NEIL3: variants seen among roughly 807,000 people sequenced by gnomAD.
NEIL3 encodes the protein endonuclease 8-like 3.
A neutral mutation model predicts 57.5 loss-of-function variants in NEIL3; 48 were observed. The ratio of observed to expected loss-of-function variants is 0.83; its 90% CI spans 0.66 to 1.06. The LOEUF is 1.06. Among genes scored for constraint, NEIL3 ranks in the 50% least tolerant of loss-of-function variants. The probability of loss-of-function intolerance (pLI) is 0.00; values close to 1 mark genes in which losing one functional copy is unlikely to be tolerated. For synonymous variants in NEIL3, 261 were observed against 253.2 expected (o/e 1.03, Z -0.29); for missense variants, 717 against 739.1 (o/e 0.97, Z 0.35).
At position 177,315,763 on chromosome 4, in the gene NEIL3, A is replaced by T. The variant is rs541409885; in HGVS notation, c.156+5654A>T. Among the ~76,000 whole-genome samples, 4 of 152,354 alleles carry T rather than the reference A, an allele frequency of 2.6e-5. No homozygotes were observed. In the South Asian group the frequency reaches 8.3e-4, roughly 32 times the overall value. Reference sequence around the variant, plus strand: ...TGGATTTTTAAAAGAACAGTGAAAGATATATCCAGGTGCTTGCAATGGCCA... The same window carrying T: ...TGGATTTTTAAAAGAACAGTGAAAGTTATATCCAGGTGCTTGCAATGGCCA... On this transcript the variant is annotated intron_variant, in intron 1 of 9. Transcript: ENST00000264596.
intron 6 of NEIL3, among the ~76,000 whole-genome samples, chr4:177,350,568 G>A (rs1007940571): frequency 1.3e-5 from 2 of 152,118 alleles, no homozygotes; most frequent in African/African-American, 4.8e-5. Flanking sequence ...TCATCATTAT[G>A]AATTAATGAA....
intron 2 of NEIL3, 146 bp downstream of exon 2, chr4:177,322,726 T>C (rs1220982419): frequency 3.5e-6 from 3 of 867,314 alleles, no homozygotes; most frequent in Non-Finnish European, 5.3e-6. Flanking sequence ...TGTGATTCTA[T>C]CATGGAAATC....
chr4:177,339,538 A>G (rs544679359), intron 4 of NEIL3, among the ~76,000 whole-genome samples: 3 of 152,306 alleles, frequency 2.0e-5, no homozygotes, highest in Admixed American at 1.3e-4. Flanking sequence ...ATTGCTCCTC[A>G]TCATCATTAC....
rs35257297 is a variant in NEIL3, at chr4:177,324,277, A to G, written c.278+1697A>G. Among the ~76,000 whole-genome samples, 83 of 152,266 alleles carry G rather than the reference A, an allele frequency of 5.5e-4. No individual in the cohort carries two copies. The East Asian group carries it at 0.015, about 27-fold the overall frequency. On this transcript the variant is annotated intron_variant, in intron 2 of 9. Transcript: ENST00000264596. ...TGCATTTGATAGAGCATATAGCAGG[A>G]AACACTTTCAAAGGTTGCTCACAGT...
At chr4:177,370,028 G>A in the NEIL3 span, among the ~76,000 whole-genome samples, 1 of 152,162 alleles carries the variant, frequency 6.6e-6, no homozygotes, top group Non-Finnish European at 1.5e-5. Context: ...CTACAGCAAG[G>A]GGATTAAGGA....
Position 177,360,593 on chromosome 4 carries a change from A to C in NEIL3, c.1551A>C (p.Arg517=). 1.2e-6 allele frequency: 2 copies of C among 1,614,020 alleles called. No homozygotes were observed. The highest frequency in any genetic ancestry group is 1.7e-6 in the Non-Finnish European group (2 of 1,179,910). The stretch of plus-strand genomic sequence containing the variant: ...AACACAACCGCCTCTGCATTCTCCG[A>C]GTTGTGGGGAAGGATGGGGAAAACA... ...CSKHNRLCIL[R]VVGKDGENKG... The change falls in exon 9 of 10, where the codon CGA becomes CGC. Residue 517 remains arginine, a synonymous_variant. Coordinates refer to ENST00000264596, the MANE Select transcript of NEIL3 (RefSeq NM_018248.3).
At chr4:177,335,605 CA>C (rs3215157) in intron 2 of NEIL3, 82 bp from the exon 3 acceptor site, 521,875 of 1,200,946 alleles carry the variant, frequency 0.43, 101,277 homozygotes, top group Middle Eastern at 0.47. Context: ...GCTTATAATC[CA>C]AAAAAAAAAT....
intron 8 of NEIL3, among the ~76,000 whole-genome samples, chr4:177,354,456 G>A (rs1007313869): frequency 6.6e-6 from 1 of 152,094 alleles, no homozygotes. Flanking sequence ...AGTATACTGT[G>A]TTCTAAAAGG....
chr4:177,310,466 C>CT (rs1370081217), intron 1 of NEIL3, among the ~76,000 whole-genome samples: 1 of 152,230 alleles, frequency 6.6e-6, no homozygotes, highest in Non-Finnish European at 1.5e-5. Context: ...TCTGCTACCT[C>CT]TGATATGTTT....
At chr4:177,315,518 G>C (rs969706052) in intron 1 of NEIL3, among the ~76,000 whole-genome samples, 4 of 152,184 alleles carry the variant, frequency 2.6e-5, no homozygotes, top group African/African-American at 9.7e-5. Context: ...GGACAATTAC[G>C]TATAGTCATA....
intron 5 of NEIL3, among the ~76,000 whole-genome samples, chr4:177,340,344 C>T (rs1049669260): frequency 2.0e-5 from 3 of 152,086 alleles, no homozygotes; most frequent in Admixed American, 1.3e-4. Context: ...CTCTGTCTAC[C>T]ACAGTTTTGA....
chr4:177,346,623 G>T (rs1199626239), intron 6 of NEIL3, among the ~76,000 whole-genome samples: 1 of 152,016 alleles, frequency 6.6e-6, no homozygotes, highest in African/African-American at 2.4e-5. Context: ...TCCTCCCTCC[G>T]TGCATTCCCA....
intron 6 of NEIL3, chr4:177,343,072 C>T (rs563245955): frequency 4.0e-4 from 61 of 152,228 alleles, no homozygotes; most frequent in African/African-American, 1.3e-3. Context: ...GGACGTGGTA[C>T]CCTAGTAAAA....
At chr4:177,328,865 A>G (rs1734828934) in intron 2 of NEIL3, among the ~76,000 whole-genome samples, 1 of 152,186 alleles carries the variant, frequency 6.6e-6, no homozygotes, top group East Asian at 1.9e-4. Flanking sequence ...ATGCATTGCA[A>G]CAATAGTACA....
At chr4:177,326,614 C>A (rs777661533) in intron 2 of NEIL3, among the ~76,000 whole-genome samples, 2 of 151,536 alleles carry the variant, frequency 1.3e-5, no homozygotes, top group Admixed American at 1.3e-4. Flanking sequence ...TTTTGATTGG[C>A]CTTGTGTTGG....
chr4:177,339,331 G>A (rs34407399), intron 4 of NEIL3, among the ~76,000 whole-genome samples: 9,715 of 152,250 alleles, frequency 0.064, 374 homozygotes, highest in African/African-American at 0.082. Context: ...GATGGTCTGC[G>A]CCTGTAATCC....
At chr4:177,316,698 T>C (rs970808745) in intron 1 of NEIL3, among the ~76,000 whole-genome samples, 6 of 152,102 alleles carry the variant, frequency 3.9e-5, no homozygotes, top group Admixed American at 3.3e-4. Flanking sequence ...GCACTGAACC[T>C]CAGGCATTGT....
chr4:177,325,140 T>C (rs1734757835), intron 2 of NEIL3, among the ~76,000 whole-genome samples: 1 of 152,118 alleles, frequency 6.6e-6, no homozygotes, highest in Non-Finnish European at 1.5e-5. Context: ...CATGATTGAT[T>C]TTATAATTTA....
rs1338708417 is a variant in NEIL3, at chr4:177,322,544, A to G, written c.242A>G (p.Lys81Arg). The change falls in exon 2 of 10, where the codon AAG becomes AGG. Residue 81 changes from lysine (K) to arginine (R), a missense_variant. Transcript: ENST00000264596. Reference protein sequence around the residue: ...YVYSGVETLGKELFMYFGPKA... With the variant: ...YVYSGVETLGRELFMYFGPKA... ...TACAGTGGCGTGGAAACTTTGGGGA[A>G]GGAGCTCTTTATGTACTTTGGACCA... 3.7e-6 allele frequency: 6 copies of G among 1,613,844 alleles called. No homozygotes were observed. The highest frequency in any genetic ancestry group is 5.1e-6 in the Non-Finnish European group (6 of 1,179,868).
Sources: gnomAD v4.1 joint callset for allele counts (sites outside exome capture counted in the v4.1 genomes callset) on GRCh38, gnomAD v4.1.1 for gene constraint, MANE v1.5 for transcripts, NCBI Gene and HGNC (gene_info 2026-07-23, HGNC 2026-07-21) for gene names.